The following FGFR3 variants were observed in gnomAD, a reference collection of about 807,000 sequenced individuals.
FGFR3 encodes the protein FGFR-3.
Under a neutral mutation model 82.9 loss-of-function variants are expected in FGFR3, and 25 were observed. The observed-to-expected ratio is 0.30, with a 90% CI of 0.22 to 0.42. The LOEUF (loss-of-function observed/expected upper bound fraction) is 0.42. FGFR3 is among the 10% of genes least tolerant of loss of function. The probability of loss-of-function intolerance (pLI) is 1.00; values close to 1 mark genes in which losing one functional copy is unlikely to be tolerated. For missense variants in FGFR3, 1,026 were observed against 1,161.0 expected (o/e 0.88, Z 1.69); for synonymous variants, 620 against 516.0 (o/e 1.20, Z -2.73).
chr4:1,805,015 T>TGG (rs763913448), intron 10 of FGFR3, 46 bp downstream of exon 10: 4 of 1,514,158 alleles, frequency 2.6e-6, no homozygotes, highest in Non-Finnish European at 3.6e-6. Context: ...GGCTTGGTGG[T>TGG]GGGGGTGAAA....
chr4:1,799,675 C>T lies in FGFR3; in HGVS notation c.380-72C>T, dbSNP rs914700000. ...TGCTGCCCAAATGGGGGACCCTGCC[C>T]CATCTGGGAGGGGCACCTGGGGGCC... is the stretch of plus-strand genomic sequence containing the variant. On this transcript the variant is annotated intron_variant, in intron 3 of 17. Transcript: ENST00000440486. 17 of 1,592,410 alleles carry T rather than the reference C, an allele frequency of 1.1e-5. No individual in the cohort carries two copies. The African/African-American group carries it at 1.7e-4, about 16-fold the overall frequency.
Position 1,807,454 on chromosome 4 carries a change from G to C in FGFR3, c.*192G>C. ...GTGTGCCTGTGTGCGTGCGCATCTT[G>C]CCTCCAGGTGCAGAGGTACCCTGGG... On this transcript the variant is annotated 3_prime_UTR_variant, in exon 18 of 18. Transcript: ENST00000440486. The C allele has an allele frequency of 2.3e-6, 2 of 877,816 alleles. No individual in the cohort carries two copies. The highest frequency in any genetic ancestry group is 1.4e-5 in the South Asian group (1 of 70,338). 54.4% of individuals were successfully genotyped at this position (877,816 alleles called of 1,614,324 possible). A position where few individuals can be genotyped will look rare whatever the true frequency, so the allele number is the denominator to read the frequency against.
intron 7 of FGFR3, chr4:1,803,150 C>G (rs780846333): frequency 4.4e-6 from 6 of 1,374,124 alleles, no homozygotes; most frequent in Non-Finnish European, 5.7e-6. Context: ...GCACGCCCAG[C>G]CCTGCTCGCT....
intron 8 of FGFR3, 32 bp downstream of exon 8, chr4:1,803,868 A>G (rs1236407649): frequency 1.9e-6 from 3 of 1,605,470 alleles, no homozygotes; most frequent in East Asian, 2.2e-5. Context: ...GCTGCTCCGC[A>G]CTGTCTGGGG....
chr4:1,804,284 G>T (rs202070694), intron 8 of FGFR3, 46 bp from the exon 9 acceptor site: 15 of 1,537,518 alleles, frequency 9.8e-6, no homozygotes, highest in Middle Eastern at 3.5e-4. Flanking sequence ...TGGGAGCCCC[G>T]TGGGGGGGGG....
chr4:1,803,211 TC>T, intron 7 of FGFR3: 6 of 995,562 alleles, frequency 6.0e-6, no homozygotes, highest in Non-Finnish European at 8.1e-6. Flanking sequence ...GGCTGGCAGC[TC>T]CAGCCTCCAC....
chr4:1,795,116 A>AT (rs1318615831), intron 2 of FGFR3, among the ~76,000 whole-genome samples: 3 of 150,948 alleles, frequency 2.0e-5, no homozygotes, highest in Non-Finnish European at 3.0e-5. Context: ...GAACAATGTC[A>AT]TTTTTTTTAT....
In FGFR3 at chr4:1,806,125, G is replaced by T; in HGVS notation, c.1911G>T (p.Gly637=). ...ACGTGATGAAGATCGCAGACTTCGG[G>T]CTGGCCCGGGACGTGCACAACCTCG... ...EDNVMKIADF[G]LARDVHNLDY... Residue 637 remains glycine, a synonymous_variant, in exon 14 of 18, where the codon GGG becomes GGT. Transcript: ENST00000440486. 1.9e-6 allele frequency: 3 copies of T among 1,613,524 alleles called. No individual in the cohort carries two copies. The highest frequency in any genetic ancestry group is 2.5e-6 in the Non-Finnish European group (3 of 1,179,914).
Position 1,805,491 on chromosome 4 carries a change from G to C in FGFR3, c.1534+15G>C, listed in dbSNP as rs367781042. On this transcript the variant is annotated intron_variant, in intron 11 of 17. Transcript: ENST00000440486. ...GATGCTGAAAGGTGAGGAGGGGGCG[G>C]CCAGGGGTGCAGAGCAGGGCTGGGG... The C allele has an allele frequency of 6.2e-7, 1 of 1,612,020 alleles. No homozygotes were observed. Among genetic ancestry groups the C allele is most frequent in the Non-Finnish European group, 8.5e-7 (1 of 1,179,500 alleles).
rs553008911 is a variant in FGFR3, at chr4:1,802,525, C to T, written c.930+500C>T. 2.7e-3 allele frequency among the ~76,000 whole-genome samples: 417 copies of T among 152,356 alleles called. 2 individuals are homozygous for T. Among genetic ancestry groups the T allele is most frequent in the Admixed American group, 7.6e-3 (117 of 15,312 alleles). ...CCACTGAATTGGGACGGTTGCGACACTCAAAGCCCAAAGAGAAACATCTGT... is the reference window on the plus strand; with the variant it reads ...CCACTGAATTGGGACGGTTGCGACATTCAAAGCCCAAAGAGAAACATCTGT... On this transcript the variant is annotated intron_variant, in intron 7 of 17. Coordinates refer to ENST00000440486, the MANE Select transcript of FGFR3 (RefSeq NM_000142.5).
rs748878733 is a variant in FGFR3 at position 1,807,300 on chromosome 4, C to G, written c.*38C>G. The G allele has an allele frequency of 6.4e-7, 1 of 1,565,424 alleles. No homozygotes were observed. The highest frequency in any genetic ancestry group is 2.4e-5 in the East Asian group (1 of 42,178). ...CCCCAACAATGTGAGGGGTCCCTAG[C>G]AGCCCACCCTGCTGCTGGTGCACAG... On this transcript the variant is annotated 3_prime_UTR_variant, in exon 18 of 18. Coordinates refer to ENST00000440486, the MANE Select transcript of FGFR3 (RefSeq NM_000142.5).
chr4:1,807,094 T>C, intron 17 of FGFR3, 22 bp from the exon 18 acceptor site: 1 of 1,561,934 alleles, frequency 6.4e-7, no homozygotes, highest in Non-Finnish European at 8.7e-7. Flanking sequence ...GGCACAGCGC[T>C]CACCCCGCCT....
Position 1,807,409 on chromosome 4 carries a change from G to A in FGFR3, c.*147G>A, listed in dbSNP as rs745351152. 3 of 1,166,954 alleles carry A rather than the reference G, an allele frequency of 2.6e-6. No individual in the cohort carries two copies. In the South Asian group the frequency reaches 3.9e-5, roughly 15 times the overall value. 72.3% of individuals were successfully genotyped at this position (1,166,954 alleles called of 1,614,324 possible). A position where few individuals can be genotyped will look rare whatever the true frequency, so the allele number is the denominator to read the frequency against. On this transcript the variant is annotated 3_prime_UTR_variant, in exon 18 of 18. Transcript: ENST00000440486. ...TGTGTGTGTGTGTGTGCGTGTGTGT[G>A]TGTGTGTGTGCACATCCGCGTGTGC...
chr4:1,801,634 G>A lies in FGFR3; in HGVS notation c.630G>A (p.Gln210=), dbSNP rs777091470. 46 of 1,610,574 alleles carry A rather than the reference G, an allele frequency of 2.9e-5. No homozygotes were observed. Among genetic ancestry groups the A allele is most frequent in the Non-Finnish European group, 3.3e-5 (39 of 1,179,144 alleles). The change falls in exon 6 of 18, where the codon CAG becomes CAA. Residue 210 remains glutamine, a synonymous_variant. Transcript: ENST00000440486. ...TCCCGGTGCAGCTGCGGCATCAGCA[G>A]TGGAGCCTGGTCATGGAAAGCGTGG... ...RIGGIKLRHQ[Q]WSLVMESVVP... is the part of the protein sequence containing the mutation.
chr4:1,802,324 CA>C lies in FGFR3; in HGVS notation c.930+300del, dbSNP rs529402335. Among the ~76,000 whole-genome samples, 5 of 152,300 alleles carry C rather than the reference CA, an allele frequency of 3.3e-5. No homozygotes were observed. The East Asian group carries it at 9.7e-4, about 29-fold the overall frequency. Reference sequence around the variant, plus strand: ...TGCGGCTTGGGCAGCAGTGGTGCCCCAGGACAGGAGGGCAGTGTGGCCAAGC... The same window carrying C: ...TGCGGCTTGGGCAGCAGTGGTGCCCCGGACAGGAGGGCAGTGTGGCCAAGC... On this transcript the variant is annotated intron_variant, in intron 7 of 17. Transcript: ENST00000440486.
At position 1,808,203 on chromosome 4, in the gene FGFR3, A is replaced by T. The variant is rs977882841; in HGVS notation, c.*941A>T. 1 of 232,656 alleles carries T rather than the reference A, an allele frequency of 4.3e-6. No individual in the cohort carries two copies. Among genetic ancestry groups the T allele is most frequent in the Non-Finnish European group, 8.5e-6 (1 of 117,748 alleles). 14.4% of individuals were successfully genotyped at this position (232,656 alleles called of 1,614,324 possible). A position where few individuals can be genotyped will look rare whatever the true frequency, so the allele number is the denominator to read the frequency against. On this transcript the variant is annotated 3_prime_UTR_variant, in exon 18 of 18. Transcript: ENST00000440486. Reference sequence around the variant, plus strand: ...GGCGGAGAGTTTTAATTTTTAACTTATTGACAACCGAGAAGGTTTATCCCG... The same window carrying T: ...GGCGGAGAGTTTTAATTTTTAACTTTTTGACAACCGAGAAGGTTTATCCCG...
chr4:1,798,337 A>G (rs1044785736), intron 2 of FGFR3, among the ~76,000 whole-genome samples: 29 of 151,558 alleles, frequency 1.9e-4, no homozygotes, highest in African/African-American at 6.8e-4. Flanking sequence ...GTCCCCCTGC[A>G]GGCAGCAGGA....
At chr4:1,800,697 G>A (rs1420068720) in intron 4 of FGFR3, among the ~76,000 whole-genome samples, 2 of 152,162 alleles carry the variant, frequency 1.3e-5, no homozygotes, top group East Asian at 1.9e-4. Context: ...TCACTGAGGG[G>A]AGGGCTGCTT....
At chr4:1,802,780 C>T (rs1054140842) in intron 7 of FGFR3, 6 of 1,182,268 alleles carry the variant, frequency 5.1e-6, no homozygotes, top group Admixed American at 3.4e-5. Flanking sequence ...AGTGCCTCCA[C>T]GCCTCCTCCA....
Sources: gnomAD v4.1 joint callset for allele counts (sites outside exome capture counted in the v4.1 genomes callset) on GRCh38, gnomAD v4.1.1 for gene constraint, MANE v1.5 for transcripts, NCBI Gene and HGNC (gene_info 2026-07-23, HGNC 2026-07-21) for gene names.